PRKCE: variants seen among roughly 807,000 people sequenced by gnomAD.
PRKCE encodes the protein protein kinase C epsilon type.
PRKCE carries 16 observed loss-of-function variants against 85.4 expected under a neutral mutation model. The ratio of observed to expected loss-of-function variants is 0.19; its 90% CI spans 0.13 to 0.28. The LOEUF (loss-of-function observed/expected upper bound fraction) is 0.28. PRKCE is among the 10% of genes least tolerant of loss of function. PRKCE has a pLI of 1.00. For missense variants in PRKCE, 573 were observed against 975.2 expected (o/e 0.59, Z 5.49); for synonymous variants, 388 against 371.5 (o/e 1.04, Z -0.51).
chr2:45,812,464 G>A (rs1193741934), intron 1 of PRKCE, among the ~76,000 whole-genome samples: 2 of 152,198 alleles, frequency 1.3e-5, no homozygotes, highest in Non-Finnish European at 2.9e-5. Context: ...GCAGCAGAAT[G>A]TGATGGTGAA....
intron 1 of PRKCE, among the ~76,000 whole-genome samples, chr2:45,667,588 C>CACCT (rs1450849618): frequency 6.6e-6 from 1 of 152,052 alleles, no homozygotes; most frequent in African/African-American, 2.4e-5. Flanking sequence ...TGCACGCACA[C>CACCT]ACCTGTATGA....
At chr2:45,769,948 G>A (rs1685184377) in intron 1 of PRKCE, among the ~76,000 whole-genome samples, 1 of 152,242 alleles carries the variant, frequency 6.6e-6, no homozygotes, top group African/African-American at 2.4e-5. Context: ...TCTTGCCAGG[G>A]TGCAGCAGGC....
At chr2:45,663,643 C>T (rs976917100) in intron 1 of PRKCE, among the ~76,000 whole-genome samples, 2 of 152,120 alleles carry the variant, frequency 1.3e-5, no homozygotes, top group Non-Finnish European at 2.9e-5. Flanking sequence ...ATTAGCCAGG[C>T]GTGGTGGCAG....
intron 2 of PRKCE, among the ~76,000 whole-genome samples, chr2:45,967,095 C>G (rs1166376583): frequency 6.6e-6 from 1 of 152,118 alleles, no homozygotes; most frequent in Non-Finnish European, 1.5e-5. Flanking sequence ...AACAACCTCC[C>G]CAAGAAAGTC....
At chr2:46,011,535 C>T (rs1705671833) in intron 10 of PRKCE, among the ~76,000 whole-genome samples, 1 of 152,134 alleles carries the variant, frequency 6.6e-6, no homozygotes, top group Non-Finnish European at 1.5e-5. Flanking sequence ...TTTACATTAT[C>T]TTTGGTACAC....
chr2:45,832,765 C>T (rs72872439), intron 1 of PRKCE, among the ~76,000 whole-genome samples: 12,574 of 152,152 alleles, frequency 0.083, 750 homozygotes, highest in African/African-American at 0.16. Flanking sequence ...TTGGAGAACC[C>T]GGCTTTAACG....
intron 5 of PRKCE, among the ~76,000 whole-genome samples, chr2:45,983,974 G>A (rs1193669639): frequency 7.5e-6 from 1 of 132,946 alleles, no homozygotes; most frequent in Non-Finnish European, 1.5e-5. Context: ...GTCTTGCTCT[G>A]TCACCCAGGC....
At chr2:45,804,780 C>A (rs1365616849) in intron 1 of PRKCE, among the ~76,000 whole-genome samples, 1 of 152,142 alleles carries the variant, frequency 6.6e-6, no homozygotes, top group Admixed American at 6.5e-5. Flanking sequence ...GTCGGCTTGG[C>A]AGTGTTGATG....
intron 2 of PRKCE, among the ~76,000 whole-genome samples, chr2:45,855,766 T>C (rs935801681): frequency 6.6e-6 from 1 of 152,176 alleles, no homozygotes; most frequent in Non-Finnish European, 1.5e-5. Context: ...TTTAGCTTCT[T>C]AACTTGAGAA....
At chr2:46,144,293 C>G (rs560328599) in intron 11 of PRKCE, among the ~76,000 whole-genome samples, 1 of 152,264 alleles carries the variant, frequency 6.6e-6, no homozygotes, top group African/African-American at 2.4e-5. Context: ...GCCTGCTTGC[C>G]CCTAGGAAAG....
In PRKCE at chr2:45,907,516, C is replaced by T. The variant is rs1031282468; in HGVS notation, c.412+64453C>T. 2.6e-5 allele frequency among the ~76,000 whole-genome samples: 4 copies of T among 152,232 alleles called. No homozygotes were observed. Among genetic ancestry groups the T allele is most frequent in the Non-Finnish European group, 4.4e-5 (3 of 68,046 alleles). ...CGAAGCACACTTCTGAGGGCGTCATCGCAGGCCCTGTTCATCTCTCCGGGC... is the reference window on the plus strand; with the variant it reads ...CGAAGCACACTTCTGAGGGCGTCATTGCAGGCCCTGTTCATCTCTCCGGGC... On this transcript the variant is annotated intron_variant, in intron 2 of 14. Transcript: ENST00000306156. The surrounding 1 kb of genome is among the most constrained non-coding windows in gnomAD (Gnocchi z 4.5).
chr2:46,146,849 A>C (rs1473324736), intron 12 of PRKCE, among the ~76,000 whole-genome samples: 1 of 152,202 alleles, frequency 6.6e-6, no homozygotes, highest in Non-Finnish European at 1.5e-5. Context: ...GCTAGATCAT[A>C]GGGTTTCCTG....
chr2:45,865,295 AAGG>A (rs762381610), intron 2 of PRKCE, among the ~76,000 whole-genome samples: 5 of 152,136 alleles, frequency 3.3e-5, no homozygotes, highest in South Asian at 2.1e-4. Flanking sequence ...CTTGTGGCAA[AAGG>A]AGGAGGAGGA....
intron 2 of PRKCE, among the ~76,000 whole-genome samples, chr2:45,932,894 C>G (rs1316441770): frequency 2.0e-5 from 3 of 152,228 alleles, no homozygotes; most frequent in Non-Finnish European, 2.9e-5. Flanking sequence ...CTTTTTATGA[C>G]TGGCTTATTT....
At chr2:45,795,723 G>C (rs1687384862) in intron 1 of PRKCE, among the ~76,000 whole-genome samples, 1 of 152,206 alleles carries the variant, frequency 6.6e-6, no homozygotes, top group East Asian at 1.9e-4. Context: ...TGTGGGCCCT[G>C]GTTCCGTCAG....
intron 2 of PRKCE, among the ~76,000 whole-genome samples, chr2:45,898,096 G>C (rs1696286831): frequency 6.6e-6 from 1 of 152,220 alleles, no homozygotes. Flanking sequence ...TGATAGAGAT[G>C]ACTGGTAATA....
chr2:46,152,039 C>G (rs368040528), intron 13 of PRKCE, among the ~76,000 whole-genome samples: 8 of 152,226 alleles, frequency 5.3e-5, no homozygotes, highest in Admixed American at 2.0e-4. Flanking sequence ...TTCTTCCACT[C>G]ATCTGAATGC....
chr2:45,807,634 T>C (rs1688343483), intron 1 of PRKCE, among the ~76,000 whole-genome samples: 2 of 152,210 alleles, frequency 1.3e-5, no homozygotes, highest in Admixed American at 1.3e-4. Context: ...AGCTCCCACC[T>C]GCCCAACATT....
intron 1 of PRKCE, among the ~76,000 whole-genome samples, chr2:45,667,499 C>A (rs1178639300): frequency 2.6e-5 from 4 of 152,102 alleles, no homozygotes; most frequent in Admixed American, 6.6e-5. Flanking sequence ...AAATAATAGA[C>A]TTCCTTTGGG....
Sources: gnomAD v4.1 joint callset for allele counts (sites outside exome capture counted in the v4.1 genomes callset) on GRCh38, gnomAD v4.1.1 for gene constraint, Gnocchi (gnomAD v3.1) non-coding constraint, MANE v1.5 for transcripts, NCBI Gene and HGNC (gene_info 2026-07-23, HGNC 2026-07-21) for gene names.